SORCS3: variants seen among roughly 807,000 people sequenced by gnomAD.
SORCS3 encodes sortilin related VPS10 domain containing receptor 3.
A neutral mutation model predicts 146.3 loss-of-function variants in SORCS3; 57 were observed. That is an observed-to-expected ratio of 0.39 (90% CI 0.31 to 0.49). The LOEUF (loss-of-function observed/expected upper bound fraction) is 0.49. SORCS3 is among the 20% of genes least tolerant of loss of function. The pLI is 0.92. For missense variants in SORCS3, 1,341 were observed against 1,575.5 expected (o/e 0.85, Z 2.52); for synonymous variants, 653 against 618.5 (o/e 1.06, Z -0.83).
intron 1 of SORCS3, among the ~76,000 whole-genome samples, chr10:104,770,399 A>G (rs1027970327): frequency 2.0e-5 from 3 of 152,200 alleles, no homozygotes; most frequent in Non-Finnish European, 4.4e-5. Context: ...AAGCAGTTCC[A>G]TGGTATCTGT....
intron 5 of SORCS3, among the ~76,000 whole-genome samples, chr10:105,072,756 G>A (rs1370375860): frequency 2.8e-5 from 4 of 140,760 alleles, no homozygotes; most frequent in Non-Finnish European, 6.0e-5. Flanking sequence ...GTTTCCCCCC[G>A]TAGCCAGATG....
intron 3 of SORCS3, among the ~76,000 whole-genome samples, chr10:104,941,819 A>T (rs1363633206): frequency 6.6e-6 from 1 of 152,084 alleles, no homozygotes; most frequent in Admixed American, 6.5e-5. Flanking sequence ...AGCAAAGTAA[A>T]AAAAAAAGCT....
At chr10:104,808,482 A>G (rs903909453) in intron 1 of SORCS3, among the ~76,000 whole-genome samples, 1 of 152,154 alleles carries the variant, frequency 6.6e-6, no homozygotes, top group Non-Finnish European at 1.5e-5. Context: ...TATGGAGGTA[A>G]ATGTATGATT....
intron 2 of SORCS3, among the ~76,000 whole-genome samples, chr10:104,873,120 G>A (rs2018535784): frequency 6.6e-6 from 1 of 152,214 alleles, no homozygotes; most frequent in South Asian, 2.1e-4. Context: ...GAATGTGTCC[G>A]TCATTTTCAC....
chr10:104,932,960 GC>G, intron 3 of SORCS3, among the ~76,000 whole-genome samples: 1 of 152,100 alleles, frequency 6.6e-6, no homozygotes, highest in East Asian at 1.9e-4. Flanking sequence ...TGAACTCCTG[GC>G]TTCAAATAAT....
chr10:105,226,451 A>G (rs926616575), intron 20 of SORCS3, among the ~76,000 whole-genome samples: 1 of 151,804 alleles, frequency 6.6e-6, no homozygotes, highest in Admixed American at 6.6e-5. Flanking sequence ...TGTTGGATTC[A>G]GTTTGTTAGT....
At chr10:104,663,569 C>T (rs928153599) in intron 1 of SORCS3, among the ~76,000 whole-genome samples, 1 of 152,182 alleles carries the variant, frequency 6.6e-6, no homozygotes, top group South Asian at 2.1e-4. Flanking sequence ...CGCTCCCCAG[C>T]TCCCCACATT....
intron 4 of SORCS3, among the ~76,000 whole-genome samples, chr10:105,025,868 A>G (rs552948617): frequency 1.2e-4 from 18 of 151,306 alleles, no homozygotes; most frequent in African/African-American, 1.7e-4. Context: ...ACACACACAC[A>G]CACACACACA....
Position 104,977,359 on chromosome 10 carries a change from A to T in SORCS3, c.820A>T (p.Met274Leu). Residue 274 changes from methionine (M) to leucine (L), a missense_variant, in exon 4 of 27, where the codon ATG becomes TTG. Coordinates refer to ENST00000369701, the MANE Select transcript of SORCS3 (RefSeq NM_014978.3). ...GATTATGCTTCTCAGTGATCCTGAG[A>T]TGGAGAGCAGCATATTGATCAGCTC... ...RKIMLLSDPE[M>L]ESSILISSDE... 6.2e-7 allele frequency: 1 copy of T among 1,613,232 alleles called. No individual in the cohort carries two copies. The highest frequency in any genetic ancestry group is 8.5e-7 in the Non-Finnish European group (1 of 1,179,602).
In SORCS3 at chr10:105,032,534, G is replaced by T. The variant is rs117448049; in HGVS notation, c.955-10521G>T. 7.3e-3 allele frequency among the ~76,000 whole-genome samples: 1,104 copies of T among 152,194 alleles called. 6 individuals carry two copies. Among genetic ancestry groups the T allele is most frequent in the South Asian group, 0.014 (69 of 4,816 alleles). ...TTGAATGAACTCAGATTTTCTGAGC[G>T]CTACTAATACTAAAATTATGAGGAT... is the stretch of plus-strand genomic sequence containing the variant. On this transcript the variant is annotated intron_variant, in intron 4 of 26. Transcript: ENST00000369701.
At chr10:104,955,963 T>C (rs932487336) in intron 3 of SORCS3, among the ~76,000 whole-genome samples, 21 of 152,182 alleles carry the variant, frequency 1.4e-4, no homozygotes, top group Admixed American at 1.3e-3. Flanking sequence ...TACAGAGGGC[T>C]GAGGAAGAAT....
chr10:104,871,854 T>C (rs559285688), intron 2 of SORCS3, among the ~76,000 whole-genome samples: 1 of 152,278 alleles, frequency 6.6e-6, no homozygotes, highest in African/African-American at 2.4e-5. Context: ...GATTGTGAGA[T>C]GCGCTTGCTT....
intron 23 of SORCS3, among the ~76,000 whole-genome samples, chr10:105,253,506 G>T (rs1487392198): frequency 6.6e-6 from 1 of 152,226 alleles, no homozygotes; most frequent in Non-Finnish European, 1.5e-5. Context: ...TGTCCTGGAA[G>T]TAAAGGGGAT....
intron 5 of SORCS3, among the ~76,000 whole-genome samples, chr10:105,077,827 C>A (rs971243557): frequency 3.3e-5 from 5 of 152,152 alleles, no homozygotes; most frequent in Admixed American, 2.0e-4. Flanking sequence ...CAGCTGTTGA[C>A]AAGAGGCAGG....
At chr10:105,124,577 C>T (rs2055959159) in intron 7 of SORCS3, among the ~76,000 whole-genome samples, 1 of 152,170 alleles carries the variant, frequency 6.6e-6, no homozygotes, top group Non-Finnish European at 1.5e-5. Flanking sequence ...TGCAAGCAAA[C>T]ATCTGTTACA....
chr10:104,793,210 A>G lies in SORCS3; in HGVS notation c.628-49582A>G, dbSNP rs184599220. Among the ~76,000 whole-genome samples, 196 of 152,160 alleles carry G rather than the reference A, an allele frequency of 1.3e-3. 3 individuals are homozygous for G. Among genetic ancestry groups the G allele is most frequent in the Non-Finnish European group, 3.1e-4 (21 of 68,020 alleles). ...AAGTTGAACTCTGTAAAATACACAG[A>G]CTCTACAATTAGGGTAATTAAAATA... On this transcript the variant is annotated intron_variant, in intron 1 of 26. Coordinates refer to ENST00000369701, the MANE Select transcript of SORCS3 (RefSeq NM_014978.3).
intron 14 of SORCS3, among the ~76,000 whole-genome samples, chr10:105,197,830 T>A (rs887041640): frequency 1.3e-5 from 2 of 152,196 alleles, no homozygotes; most frequent in African/African-American, 4.8e-5. Context: ...GCTTCTGCCA[T>A]CGAGCATATT....
chr10:104,683,774 A>C (rs968703144), intron 1 of SORCS3, among the ~76,000 whole-genome samples: 1 of 152,126 alleles, frequency 6.6e-6, no homozygotes, highest in African/African-American at 2.4e-5. Context: ...GTCCCTCCAC[A>C]TCTATGAAAA....
At chr10:105,141,378 C>T (rs1035641827) in intron 8 of SORCS3, among the ~76,000 whole-genome samples, 1 of 152,168 alleles carries the variant, frequency 6.6e-6, no homozygotes, top group African/African-American at 2.4e-5. Flanking sequence ...CCCAAGTTTT[C>T]ATAGTCAAAG....
Sources: allele counts gnomAD v4.1 joint callset (sites outside exome capture counted in the v4.1 genomes callset), GRCh38; gene constraint gnomAD v4.1.1; transcripts MANE v1.5; gene names NCBI Gene and HGNC (gene_info 2026-07-23, HGNC 2026-07-21).